The following SPTA1 variants were observed in gnomAD, a reference collection of about 807,000 sequenced individuals.
The protein encoded by SPTA1 is spectrin alpha, erythrocytic 1.
A neutral mutation model predicts 324.7 loss-of-function variants in SPTA1; 177 were observed. The observed-to-expected ratio is 0.55, with a 90% CI of 0.48 to 0.62. The LOEUF (loss-of-function observed/expected upper bound fraction) is 0.62. Ranked by LOEUF, SPTA1 falls within the 20% of genes least tolerant of loss-of-function variation. SPTA1 has a pLI of 0.00. For missense variants in SPTA1, 3,162 were observed against 2,883.6 expected (o/e 1.10, Z -2.21); for synonymous variants, 1,195 against 1,041.3 (o/e 1.15, Z -2.84).
intron 4 of SPTA1, among the ~76,000 whole-genome samples, chr1:158,681,030 T>G (rs1172933317): frequency 6.6e-6 from 1 of 152,204 alleles, no homozygotes; most frequent in East Asian, 1.9e-4. Context: ...CTGTTTCTAC[T>G]CAATTCAACA....
Position 158,642,925 on chromosome 1 carries a change from G to A in SPTA1, c.4494C>T (p.Asp1498=), listed in dbSNP as rs1328477981. 1.2e-6 allele frequency: 2 copies of A among 1,613,734 alleles called. No homozygotes were observed. The highest frequency in any genetic ancestry group is 1.3e-5 in the African/African-American group (1 of 74,966). Residue 1498 remains aspartate, a synonymous_variant, in exon 32 of 52, where the codon GAC becomes GAT. Transcript: ENST00000643759. ...GGTAGAATTGTTTTAGGTTGGCATA[G>A]TCTCCAAGCTTTGTCCGCTCATCAA... ...QLIDERTKLG[D]YANLKQFYRD...
At chr1:158,626,586 T>C (rs1417897123) in intron 41 of SPTA1, among the ~76,000 whole-genome samples, 2 of 152,180 alleles carry the variant, frequency 1.3e-5, no homozygotes, top group Non-Finnish European at 2.9e-5. Flanking sequence ...TCTCCAAAAA[T>C]GTGTTCTCTG....
chr1:158,681,684 C>T lies in SPTA1; in HGVS notation c.391-17G>A. 6.2e-7 allele frequency: 1 copy of T among 1,613,358 alleles called. No individual in the cohort carries two copies. The highest frequency in any genetic ancestry group is 1.1e-5 in the South Asian group (1 of 91,074). On this transcript the variant is annotated splice_polypyrimidine_tract_variant and intron_variant, in intron 3 of 51. Coordinates refer to ENST00000643759, the MANE Select transcript of SPTA1 (RefSeq NM_003126.4). ...TATATGGGCCTTTAGGAAAGAGGGG[C>T]AAAACCACTCAGCCACAGACACTGG... is the stretch of plus-strand genomic sequence containing the variant.
intron 2 of SPTA1, among the ~76,000 whole-genome samples, chr1:158,684,241 C>A (rs1049384953): frequency 4.0e-5 from 6 of 151,864 alleles, no homozygotes; most frequent in African/African-American, 1.5e-4. Flanking sequence ...GACCCATGAA[C>A]AACATTTTAG....
At position 158,676,219 on chromosome 1, in the gene SPTA1, T is replaced by G. The variant is rs1203733105; in HGVS notation, c.1034A>C (p.Lys345Thr). The change falls in exon 8 of 52, where the codon AAA becomes ACA. Residue 345 changes from lysine (K) to threonine (T), a missense_variant. Physicochemically the swap from Lys to Thr is moderately conservative, Grantham distance 78. Coordinates refer to ENST00000643759, the MANE Select transcript of SPTA1 (RefSeq NM_003126.4). ...PSDAPQIQEM[K>T]EDLVSSWEHI... ...CTCCCAGCTGGAGACCAGATCTTCT[T>G]TCATCTCCTGGATCTGAGGTGCATC... is the stretch of plus-strand genomic sequence containing the variant. 1 of 1,613,692 alleles carries G rather than the reference T, an allele frequency of 6.2e-7. No individual in the cohort carries two copies. Among genetic ancestry groups the G allele is most frequent in the African/African-American group, 1.3e-5 (1 of 74,888 alleles).
chr1:158,624,007 C>T (rs557511631), intron 42 of SPTA1, among the ~76,000 whole-genome samples: 1 of 152,306 alleles, frequency 6.6e-6, no homozygotes, highest in African/African-American at 2.4e-5. Flanking sequence ...GGTGCAAGCC[C>T]CAAGACTTGG....
intron 7 of SPTA1, among the ~76,000 whole-genome samples, chr1:158,676,639 G>A (rs115034335): frequency 0.018 from 2,683 of 152,164 alleles, 94 homozygotes; most frequent in African/African-American, 0.062. Flanking sequence ...AATGTCAGGA[G>A]CAAGGTTCCA....
intron 17 of SPTA1, 116 bp downstream of exon 17, chr1:158,662,586 G>T: frequency 2.1e-6 from 3 of 1,415,014 alleles, no homozygotes; most frequent in Non-Finnish European, 2.9e-6. Flanking sequence ...TCATGAGTGT[G>T]AGAAGAAACA....
At chr1:158,657,309 T>C (rs1202919961) in intron 19 of SPTA1, among the ~76,000 whole-genome samples, 168 bp downstream of exon 19, 1 of 152,236 alleles carries the variant, frequency 6.6e-6, no homozygotes, top group Non-Finnish European at 1.5e-5. Context: ...TTGGGATTCC[T>C]GTCAACTCTG....
Position 158,623,011 on chromosome 1 carries a change from A to C in SPTA1, c.6092T>G (p.Leu2031Trp). ...CTGTAGAGGCAGCTGTTTCTCCAGC[A>C]ATTTCTGTCTGTGGACTGCCGAGGC... Reference protein sequence around the residue: ...LEASAVHRQKLLEKQLPLQKA... With the variant: ...LEASAVHRQKWLEKQLPLQKA... Residue 2031 changes from leucine to tryptophan, a missense_variant, in exon 43 of 52, where the codon TTG becomes TGG. Leu to Trp is a moderately conservative substitution (Grantham distance 61). Coordinates refer to ENST00000643759, the MANE Select transcript of SPTA1 (RefSeq NM_003126.4). 1 of 1,614,200 alleles carries C rather than the reference A, an allele frequency of 6.2e-7. No homozygotes were observed. The highest frequency in any genetic ancestry group is 8.5e-7 in the Non-Finnish European group (1 of 1,180,024).
At chr1:158,670,239 G>A (rs923953326) in intron 12 of SPTA1, among the ~76,000 whole-genome samples, 4 of 152,008 alleles carry the variant, frequency 2.6e-5, no homozygotes, top group Admixed American at 2.6e-4. Context: ...TCTATCTCCA[G>A]TTACATAGGA....
chr1:158,680,597 T>C lies in SPTA1; in HGVS notation c.664A>G (p.Asn222Asp). The C allele has an allele frequency of 6.2e-7, 1 of 1,613,876 alleles. No individual in the cohort carries two copies. Among genetic ancestry groups the C allele is most frequent in the Non-Finnish European group, 8.5e-7 (1 of 1,179,830 alleles). Residue 222 changes from asparagine (N) to aspartate (D), a missense_variant, in exon 5 of 52, where the codon AAT becomes GAT. Physicochemically the swap from Asn to Asp is conservative, Grantham distance 23. Coordinates refer to ENST00000643759, the MANE Select transcript of SPTA1 (RefSeq NM_003126.4). ...GRVVEVNQYA[N>D]ECAEENHPDL... ...TCCCACCTCACCTCGGCACACTCAT[T>C]GGCATATTGGTTCACTTCAACAACT...
At chr1:158,679,167 G>A (rs1654614697) in intron 5 of SPTA1, among the ~76,000 whole-genome samples, 1 of 151,786 alleles carries the variant, frequency 6.6e-6, no homozygotes, top group Non-Finnish European at 1.5e-5. Flanking sequence ...TCCTGTCCCT[G>A]TTTCTCTCCA....
intron 17 of SPTA1, 51 bp downstream of exon 17, chr1:158,662,651 T>G (rs764328973): frequency 1.4e-5 from 23 of 1,611,996 alleles, no homozygotes; most frequent in Non-Finnish European, 1.9e-5. Flanking sequence ...TCTCTCAATA[T>G]ATAGACCTTG....
At position 158,638,181 on chromosome 1, in the gene SPTA1, C is replaced by T. The variant is rs371655531; in HGVS notation, c.5041G>A (p.Val1681Ile). The T allele has an allele frequency of 2.6e-5, 42 of 1,613,850 alleles. No individual in the cohort carries two copies. Among genetic ancestry groups the T allele is most frequent in the African/African-American group, 2.3e-4 (17 of 75,038 alleles). Residue 1681 changes from valine (V) to isoleucine (I), a missense_variant, in exon 36 of 52, where the codon GTT becomes ATT. Coordinates refer to ENST00000643759, the MANE Select transcript of SPTA1 (RefSeq NM_003126.4). ...EDLLSSGTFNVDQIVKKKDNV... is the reference protein window; with the variant it reads ...EDLLSSGTFNIDQIVKKKDNV... ...TCTTTTTTCTTCACAATCTGATCAA[C>T]GTTGAAAGTCCCGCTGGAGAGCAAA...
rs187749998 is a variant in SPTA1 at position 158,618,043 on chromosome 1, C to G, written c.6544G>C (p.Asp2182His). 16 of 1,611,574 alleles carry G rather than the reference C, an allele frequency of 9.9e-6. No individual in the cohort carries two copies. In the East Asian group the frequency reaches 3.3e-4, roughly 34 times the overall value. Reference protein sequence around the residue: ...WILETRAYFLDGSLLKETGTL... With the variant: ...WILETRAYFLHGSLLKETGTL... ...ATGATAACATAAAATACTGACCCAT[C>G]CAGAAAGTAAGCCCTGGACATGGAG... Residue 2182 changes from aspartate to histidine, a missense_variant, in exon 46 of 52, where the codon GAT becomes CAT. Physicochemically the swap from Asp to His is moderately conservative, Grantham distance 81. Coordinates refer to ENST00000643759, the MANE Select transcript of SPTA1 (RefSeq NM_003126.4).
chr1:158,643,192 A>T, intron 31 of SPTA1, 130 bp downstream of exon 31: 3 of 1,225,624 alleles, frequency 2.4e-6, no homozygotes, highest in Non-Finnish European at 3.5e-6. Context: ...GAAAGTCTGC[A>T]TAGGTGTCAA....
intron 42 of SPTA1, among the ~76,000 whole-genome samples, chr1:158,624,571 A>G (rs953633644): frequency 1.3e-5 from 2 of 152,040 alleles, no homozygotes; most frequent in Admixed American, 1.3e-4. Flanking sequence ...CAAAGCCTGT[A>G]CTCTCATTGT....
rs759895093 is a variant in SPTA1, at chr1:158,652,601, G to A, written c.3241C>T (p.Arg1081Cys). ...TAGGCCAATAAAAATTCATTATAAC[G>A]TTGCAATAGACGACGTCTGCGTTCT... is the stretch of plus-strand genomic sequence containing the variant. Reference protein sequence around the residue: ...AEERRRRLLQRYNEFLLAYEA... With the variant: ...AEERRRRLLQCYNEFLLAYEA... The change falls in exon 23 of 52, where the codon CGT becomes TGT. Residue 1081 changes from arginine (R) to cysteine (C), a missense_variant. Coordinates refer to ENST00000643759, the MANE Select transcript of SPTA1 (RefSeq NM_003126.4). The A allele has an allele frequency of 3.7e-6, 6 of 1,613,902 alleles. No individual in the cohort carries two copies. The highest frequency in any genetic ancestry group is 1.6e-4 in the Middle Eastern group (1 of 6,084).
Sources: gnomAD v4.1 joint callset for allele counts (sites outside exome capture counted in the v4.1 genomes callset) on GRCh38, gnomAD v4.1.1 for gene constraint, MANE v1.5 for transcripts, NCBI Gene and HGNC (gene_info 2026-07-23, HGNC 2026-07-21) for gene names.